RUFY1: variants seen among roughly 807,000 people sequenced by gnomAD.
RUFY1 encodes RUN and FYVE domain containing 1.
RUFY1 carries 54 observed loss-of-function variants against 94.6 expected under a neutral mutation model. That is an observed-to-expected ratio of 0.57 (90% CI 0.46 to 0.72). The LOEUF (loss-of-function observed/expected upper bound fraction) is 0.72, where lower values mean the gene tolerates loss of function less well. RUFY1 is among the 30% of genes least tolerant of loss of function. RUFY1 has a pLI of 0.00. For synonymous variants in RUFY1, 396 were observed against 347.3 expected (o/e 1.14, Z -1.56); for missense variants, 883 against 883.9 (o/e 1.00, Z 0.01).
chr5:179,590,879 G>A (rs547266968), intron 9 of RUFY1: 3 of 151,590 alleles, frequency 2.0e-5, no homozygotes, highest in East Asian at 1.9e-4. Flanking sequence ...TGTCACCCAG[G>A]CTGGAATGTA....
chr5:179,588,529 T>C (rs1764790118), intron 8 of RUFY1, among the ~76,000 whole-genome samples: 1 of 152,218 alleles, frequency 6.6e-6, no homozygotes, highest in South Asian at 2.1e-4. Context: ...TAAGAGGTCC[T>C]CTTGGGCATA....
At chr5:179,572,612 G>T in intron 5 of RUFY1, 1 of 218,098 alleles carries the variant, frequency 4.6e-6, no homozygotes, top group Non-Finnish European at 9.7e-6. Context: ...CATGGATGAG[G>T]CTCTGCAGCT....
intron 5 of RUFY1, among the ~76,000 whole-genome samples, chr5:179,571,371 T>C (rs1291813737): frequency 6.6e-6 from 1 of 152,078 alleles, no homozygotes; most frequent in Non-Finnish European, 1.5e-5. Flanking sequence ...GGTGGCATGC[T>C]GTCTGTCATC....
chr5:179,580,792 G>C (rs1177137163), intron 6 of RUFY1, among the ~76,000 whole-genome samples, 155 bp from the exon 7 acceptor site: 1 of 152,044 alleles, frequency 6.6e-6, no homozygotes, highest in Non-Finnish European at 1.5e-5. Flanking sequence ...CTTTCTCTCT[G>C]TACTCTGGGA....
At chr5:179,599,008 T>A (rs1027242501) in intron 14 of RUFY1, among the ~76,000 whole-genome samples, 187 bp downstream of exon 14, 2 of 152,190 alleles carry the variant, frequency 1.3e-5, no homozygotes, top group African/African-American at 4.8e-5. Flanking sequence ...CCACTAAGCC[T>A]GCTGGCAGCT....
chr5:179,567,007 T>C (rs1762877152), intron 3 of RUFY1, among the ~76,000 whole-genome samples: 1 of 152,008 alleles, frequency 6.6e-6, no homozygotes, highest in Non-Finnish European at 1.5e-5. Context: ...TGAGCTGAGA[T>C]TGCACCACTG....
intron 16 of RUFY1, 140 bp downstream of exon 16, chr5:179,606,064 CGCT>C (rs1767050160): frequency 1.5e-6 from 1 of 648,298 alleles, no homozygotes; most frequent in Non-Finnish European, 2.7e-6. Context: ...AGAAGCCAAA[CGCT>C]GCTCAGAAAC....
chr5:179,578,509 G>A (rs984777681), intron 6 of RUFY1, among the ~76,000 whole-genome samples: 3 of 151,780 alleles, frequency 2.0e-5, no homozygotes, highest in African/African-American at 4.8e-5. Context: ...GTGAGCCACC[G>A]CGCCCAGTCT....
intron 3 of RUFY1, among the ~76,000 whole-genome samples, chr5:179,565,908 G>C (rs889191933): frequency 1.3e-5 from 2 of 152,134 alleles, no homozygotes; most frequent in African/African-American, 4.8e-5. Flanking sequence ...TTGAGAGGCT[G>C]AGATGGGAAG....
chr5:179,550,770 G>C lies in RUFY1; in HGVS notation c.201G>C (p.Leu67=). The C allele has an allele frequency of 7.1e-7, 1 of 1,404,208 alleles. No individual in the cohort carries two copies. The highest frequency in any genetic ancestry group is 9.3e-7 in the Non-Finnish European group (1 of 1,075,200). The allele number at this position is 1,404,208 out of a possible 1,614,324, so 87.0% of individuals were successfully genotyped here. Residue 67 remains leucine, a synonymous_variant, in exon 1 of 18, where the codon CTG becomes CTC. Coordinates refer to ENST00000319449, the MANE Select transcript of RUFY1 (RefSeq NM_025158.5). The stretch of plus-strand genomic sequence containing the variant: ...CCGAGGGCTGGTCGGCGCCCATCCT[G>C]ACCCTGGCACGCAGGGCCACCGGGA... ...RAAEGWSAPI[L]TLARRATGNL...
At chr5:179,551,837 C>CA (rs75517695) in intron 1 of RUFY1, among the ~76,000 whole-genome samples, 62,971 of 150,090 alleles carry the variant, frequency 0.42, 13,532 homozygotes, top group East Asian at 0.69. Flanking sequence ...CTAACTGAAT[C>CA]AATTGAAATT....
At chr5:179,583,906 T>C (rs1354046146) in intron 7 of RUFY1, among the ~76,000 whole-genome samples, 2 of 150,214 alleles carry the variant, frequency 1.3e-5, no homozygotes, top group Non-Finnish European at 1.5e-5. Context: ...CCCACCACCA[T>C]GCCCAGCTAA....
intron 3 of RUFY1, among the ~76,000 whole-genome samples, chr5:179,566,207 A>G (rs372254552): frequency 1.3e-5 from 2 of 149,544 alleles, no homozygotes; most frequent in East Asian, 3.9e-4. Context: ...TTTTTCTTTT[A>G]ATGTTTAATG....
chr5:179,604,792 G>A (rs1045500763), intron 15 of RUFY1, among the ~76,000 whole-genome samples: 1 of 151,914 alleles, frequency 6.6e-6, no homozygotes, highest in African/African-American at 2.4e-5. Context: ...GACCAGCCAG[G>A]CCAATATGGT....
In RUFY1 at chr5:179,609,752, G is replaced by A; in HGVS notation, c.*233G>A. On this transcript the variant is annotated 3_prime_UTR_variant, in exon 18 of 18. Coordinates refer to ENST00000319449, the MANE Select transcript of RUFY1 (RefSeq NM_025158.5). Reference sequence around the variant, plus strand: ...TTCCATCTTACTTGGTTACATCACGGCTCTGGTTCAGATACAACTTCATGA... The same window carrying A: ...TTCCATCTTACTTGGTTACATCACGACTCTGGTTCAGATACAACTTCATGA... 1 of 454,712 alleles carries A rather than the reference G, an allele frequency of 2.2e-6. No homozygotes were observed. Among genetic ancestry groups the A allele is most frequent in the Non-Finnish European group, 3.9e-6 (1 of 257,588 alleles). 28.2% of individuals were successfully genotyped at this position (454,712 alleles called of 1,614,324 possible). A position where few individuals can be genotyped will look rare whatever the true frequency, so the allele number is the denominator to read the frequency against.
chr5:179,566,815 C>T (rs1011809078), intron 3 of RUFY1, among the ~76,000 whole-genome samples: 5 of 151,776 alleles, frequency 3.3e-5, no homozygotes, highest in African/African-American at 9.7e-5. Flanking sequence ...CAGCACTTTG[C>T]GAGGCCAAGG....
At chr5:179,594,259 C>A (rs552996153) in intron 11 of RUFY1, among the ~76,000 whole-genome samples, 1 of 151,786 alleles carries the variant, frequency 6.6e-6, no homozygotes, top group East Asian at 2.0e-4. Context: ...GAAATCATTC[C>A]GTTGCACTCC....
intron 3 of RUFY1, among the ~76,000 whole-genome samples, chr5:179,563,778 T>G (rs1192078188): frequency 6.6e-6 from 1 of 152,144 alleles, no homozygotes; most frequent in Non-Finnish European, 1.5e-5. Context: ...TTCAAGCGAT[T>G]CTCATGCCTC....
intron 6 of RUFY1, among the ~76,000 whole-genome samples, chr5:179,577,565 A>AGGCC (rs1277775985): frequency 1.9e-5 from 2 of 106,896 alleles, no homozygotes; most frequent in Admixed American, 1.1e-4. Flanking sequence ...GGAGGCTCCG[A>AGGCC]GGCCGGGCGT....
Sources: allele counts gnomAD v4.1 joint callset (sites outside exome capture counted in the v4.1 genomes callset), GRCh38; gene constraint gnomAD v4.1.1; transcripts MANE v1.5; gene names NCBI Gene and HGNC (gene_info 2026-07-23, HGNC 2026-07-21).